Variants in NFIB observed in about 807,000 individuals in gnomAD.
The protein encoded by NFIB is nuclear factor 1 B-type.
Under a neutral mutation model 61.5 loss-of-function variants are expected in NFIB, and 11 were observed. The observed-to-expected ratio is 0.18, with a 90% CI of 0.11 to 0.30. The LOEUF (loss-of-function observed/expected upper bound fraction) is 0.30, where lower values mean the gene tolerates loss of function less well. Ranked by LOEUF, NFIB falls within the 10% of genes least tolerant of loss-of-function variation. NFIB has a pLI of 1.00. For missense variants in NFIB, 471 were observed against 608.9 expected (o/e 0.77, Z 2.38); for synonymous variants, 260 against 216.5 (o/e 1.20, Z -1.76).
Position 14,102,628 on chromosome 9 carries a change from C to G in NFIB, c.1467+10371G>C, listed in dbSNP as rs1230901223. ...GCATTAACCTTACTTTCCCAAGAGG[C>G]AACTTAAAGAAAAAAAAAAAGCAAA... On this transcript the variant is annotated intron_variant, in intron 10 of 10. Transcript: ENST00000380953. 1.6e-5 allele frequency: 9 copies of G among 580,286 alleles called. No homozygotes were observed. In the African/African-American group the frequency reaches 1.7e-4, roughly 11 times the overall value. 35.9% of individuals were successfully genotyped at this position (580,286 alleles called of 1,614,324 possible).
intron 2 of NFIB, among the ~76,000 whole-genome samples, chr9:14,239,562 A>C (rs1391477000): frequency 6.6e-6 from 1 of 152,190 alleles, no homozygotes; most frequent in Admixed American, 6.5e-5. Context: ...AGAAAAGATA[A>C]GAAAACAACA....
At chr9:14,379,613 G>A (rs753747674) in intron 1 of NFIB, among the ~76,000 whole-genome samples, 4 of 152,158 alleles carry the variant, frequency 2.6e-5, no homozygotes, top group Admixed American at 1.3e-4. Context: ...AGGGTTACAA[G>A]AGAGCTTAAT....
intron 6 of NFIB, among the ~76,000 whole-genome samples, chr9:14,132,522 C>G (rs371390165): frequency 2.0e-5 from 3 of 152,072 alleles, no homozygotes; most frequent in South Asian, 4.2e-4. Flanking sequence ...CAGGATTCCT[C>G]TTTTTCCTTT....
At chr9:14,333,451 C>T (rs1392493276) in intron 1 of NFIB, among the ~76,000 whole-genome samples, 1 of 152,092 alleles carries the variant, frequency 6.6e-6, no homozygotes, top group Non-Finnish European at 1.5e-5. Flanking sequence ...TTGTACCCAC[C>T]CTTAAAATCT....
Position 14,204,644 on chromosome 9 carries a change from C to T in NFIB, c.563-24864G>A, listed in dbSNP as rs528036355. ...AAAGGGGACCTCCCCACTAAGAACA[C>T]CTGTCCTTCAAGCAGGAGTTAACAC... On this transcript the variant is annotated intron_variant, in intron 2 of 10. Coordinates refer to ENST00000380953, the MANE Select transcript of NFIB (RefSeq NM_001190737.2). The T allele has an allele frequency of 3.1e-5, 21 of 666,978 alleles. No homozygotes were observed. In the African/African-American group the frequency reaches 3.6e-4, roughly 11 times the overall value. 41.3% of individuals were successfully genotyped at this position (666,978 alleles called of 1,614,324 possible).
chr9:14,183,595 G>A (rs2047037342), intron 2 of NFIB, among the ~76,000 whole-genome samples: 1 of 151,800 alleles, frequency 6.6e-6, no homozygotes, highest in Non-Finnish European at 1.5e-5. Context: ...GGTAGAGACG[G>A]GGTTTCACCA....
the NFIB span, among the ~76,000 whole-genome samples, chr9:14,448,708 A>T: frequency 2.0e-5 from 3 of 152,350 alleles, no homozygotes; most frequent in African/African-American, 7.2e-5. Context: ...AATAAGAAAT[A>T]GAGTGGGAGC....
At chr9:14,183,988 G>A (rs2047077743) in intron 2 of NFIB, among the ~76,000 whole-genome samples, 1 of 152,078 alleles carries the variant, frequency 6.6e-6, no homozygotes. Flanking sequence ...AGATTCTCCA[G>A]GAACAAGAAA....
intron 2 of NFIB, among the ~76,000 whole-genome samples, chr9:14,264,810 G>T (rs1223738327): frequency 1.3e-5 from 2 of 151,846 alleles, no homozygotes; most frequent in African/African-American, 4.8e-5. Flanking sequence ...GGAAATCTGG[G>T]CTATCCCCCA....
chr9:14,199,299 T>C (rs1468930776), intron 2 of NFIB, among the ~76,000 whole-genome samples: 2 of 152,216 alleles, frequency 1.3e-5, no homozygotes, highest in Non-Finnish European at 2.9e-5. Context: ...GAGCTGGCCA[T>C]GTGTCCTTGG....
chr9:14,435,464 T>C, the NFIB span, among the ~76,000 whole-genome samples: 1 of 152,350 alleles, frequency 6.6e-6, no homozygotes, highest in Non-Finnish European at 1.5e-5. Context: ...TATTAACCTC[T>C]GTGCCTCTGT....
chr9:14,475,370 A>C, the NFIB span, among the ~76,000 whole-genome samples: 1 of 152,216 alleles, frequency 6.6e-6, no homozygotes, highest in African/African-American at 2.4e-5. Context: ...TTAGTGTGAT[A>C]AAATGAAGAG....
chr9:14,511,480 T>C, the NFIB span, among the ~76,000 whole-genome samples: 1 of 150,958 alleles, frequency 6.6e-6, no homozygotes, highest in South Asian at 2.1e-4. Context: ...TATAATAGTT[T>C]CTGTATATTT....
intron 2 of NFIB, chr9:14,204,716 G>A: frequency 1.7e-6 from 1 of 599,990 alleles, no homozygotes; most frequent in Non-Finnish European, 3.0e-6. Context: ...GGTGGTGATT[G>A]CATACAACAT....
chr9:14,457,080 C>T, the NFIB span, among the ~76,000 whole-genome samples: 1 of 151,968 alleles, frequency 6.6e-6, no homozygotes, highest in African/African-American at 2.4e-5. Context: ...AAGAAAAGGC[C>T]AAGGGCAATG....
At chr9:14,300,764 G>A (rs2059707478) in intron 2 of NFIB, among the ~76,000 whole-genome samples, 1 of 152,264 alleles carries the variant, frequency 6.6e-6, no homozygotes, top group African/African-American at 2.4e-5. Flanking sequence ...TCTCTCTTCA[G>A]GTGCTGAAAT....
intron 1 of NFIB, chr9:14,361,685 G>A (rs1196539541): frequency 6.6e-6 from 1 of 152,176 alleles, no homozygotes; most frequent in Admixed American, 6.5e-5. Context: ...TGGAAGATTA[G>A]GATCATTCAA....
chr9:14,213,636 T>G (rs552497071), intron 2 of NFIB, among the ~76,000 whole-genome samples: 8 of 152,346 alleles, frequency 5.3e-5, no homozygotes, highest in African/African-American at 1.9e-4. Flanking sequence ...GAAAGTCTGA[T>G]GTAGCTTCTC....
chr9:14,410,546 AG>A, the NFIB span, among the ~76,000 whole-genome samples: 1 of 152,216 alleles, frequency 6.6e-6, no homozygotes, highest in Non-Finnish European at 1.5e-5. Flanking sequence ...TAAAAATAAA[AG>A]GGAAATGAAA....
Sources: allele counts gnomAD v4.1 joint callset (sites outside exome capture counted in the v4.1 genomes callset), GRCh38; gene constraint gnomAD v4.1.1; transcripts MANE v1.5; gene names NCBI Gene and HGNC (gene_info 2026-07-23, HGNC 2026-07-21).